The following ARHGAP15 variants were observed in gnomAD, a reference collection of about 807,000 sequenced individuals.
ARHGAP15 encodes the protein Rho GTPase activating protein 15, also known as rho GTPase-activating protein 15.
A neutral mutation model predicts 63.7 loss-of-function variants in ARHGAP15; 51 were observed. That is an observed-to-expected ratio of 0.80 (90% confidence interval 0.64 to 1.01). The LOEUF (loss-of-function observed/expected upper bound fraction) is 1.01. ARHGAP15 is among the 50% of genes least tolerant of loss of function. ARHGAP15 has a pLI of 0.00. For missense variants in ARHGAP15, 560 were observed against 564.6 expected, an observed-to-expected ratio of 0.99 and a Z score of 0.08; for synonymous variants, 191 against 193.8, an observed-to-expected ratio of 0.99 and a Z score of 0.12.
chr2:143,434,977 C>T (rs1267507735), intron 6 of ARHGAP15, among the ~76,000 whole-genome samples: 1 of 152,112 alleles, frequency 6.6e-6, no homozygotes, highest in African/African-American at 2.4e-5. Flanking sequence ...GATAAATACT[C>T]TCCCAGAGAG....
chr2:143,288,677 T>A (rs1334893473), intron 6 of ARHGAP15, among the ~76,000 whole-genome samples: 2 of 151,628 alleles, frequency 1.3e-5, no homozygotes, highest in Non-Finnish European at 2.9e-5. Flanking sequence ...CCCTATCCAC[T>A]CTATCTATTC....
At chr2:143,550,963 A>G (rs2105073242) in intron 10 of ARHGAP15, among the ~76,000 whole-genome samples, 1 of 152,324 alleles carries the variant, frequency 6.6e-6, no homozygotes, top group East Asian at 1.9e-4. Context: ...CTCAGAGATA[A>G]TTTGATATGC....
chr2:143,372,767 TTA>T (rs2104918488), intron 6 of ARHGAP15, among the ~76,000 whole-genome samples: 1 of 152,276 alleles, frequency 6.6e-6, no homozygotes, highest in South Asian at 2.1e-4. Flanking sequence ...GATTTCAGTG[TTA>T]TGTCAGTTAA....
chr2:143,188,401 A>G lies in ARHGAP15; in HGVS notation c.166-13733A>G, dbSNP rs571984527. ...TATAGCTATTTTTCCAAAAATATCA[A>G]CAAAATTGCCAAATATCTATCTTTT... On this transcript the variant is annotated intron_variant, in intron 2 of 13. Transcript: ENST00000295095. Among the ~76,000 whole-genome samples, 163 of 151,966 alleles carry G rather than the reference A, an allele frequency of 1.1e-3. 1 individual carries two copies. Among genetic ancestry groups the G allele is most frequent in the African/African-American group, 3.8e-3 (157 of 41,520 alleles).
In ARHGAP15 at chr2:143,460,677, A is replaced by T. The variant is rs535342248; in HGVS notation, c.703+23635A>T. ...AGTTGGATTTTATCCAAGAAGTGAT[A>T]TAATGTGCTAGGAAGACTTTACCTA... On this transcript the variant is annotated intron_variant, in intron 8 of 13. Coordinates refer to ENST00000295095, the MANE Select transcript of ARHGAP15 (RefSeq NM_018460.4). Among the ~76,000 whole-genome samples the T allele has an allele frequency of 2.0e-4, 30 of 152,276 alleles. No individual in the cohort carries two copies. The South Asian group carries it at 6.2e-3, about 32-fold the overall frequency.
chr2:143,319,316 G>T (rs148766229), intron 6 of ARHGAP15, among the ~76,000 whole-genome samples: 2 of 150,078 alleles, frequency 1.3e-5, no homozygotes, highest in Admixed American at 1.3e-4. Context: ...CCTCAGCCTC[G>T]CAGGTTCATG....
At chr2:143,237,870 A>G (rs1693715203) in intron 5 of ARHGAP15, 1 of 151,832 alleles carries the variant, frequency 6.6e-6, no homozygotes, top group Non-Finnish European at 1.5e-5. Flanking sequence ...CTTTTTTGTT[A>G]CTCTTATGTT....
chr2:143,759,902 C>T (rs1028683204), intron 13 of ARHGAP15, among the ~76,000 whole-genome samples: 1 of 152,134 alleles, frequency 6.6e-6, no homozygotes, highest in African/African-American at 2.4e-5. Context: ...GGAATGGATT[C>T]CAAGCCATCA....
chr2:143,615,909 T>C (rs991460527), intron 11 of ARHGAP15, among the ~76,000 whole-genome samples: 1 of 152,198 alleles, frequency 6.6e-6, no homozygotes, highest in Non-Finnish European at 1.5e-5. Context: ...GTACGGTATC[T>C]ATAGAGTACA....
intron 6 of ARHGAP15, among the ~76,000 whole-genome samples, chr2:143,328,390 C>A (rs565264301): frequency 6.6e-6 from 1 of 152,254 alleles, no homozygotes; most frequent in African/African-American, 2.4e-5. Flanking sequence ...CACATATACA[C>A]CATGGAATAC....
chr2:143,550,868 A>C (rs1053257119), intron 10 of ARHGAP15, among the ~76,000 whole-genome samples: 1 of 152,264 alleles, frequency 6.6e-6, no homozygotes, highest in Non-Finnish European at 1.5e-5. Context: ...AATTTTAAGA[A>C]TATAAACAAA....
intron 8 of ARHGAP15, among the ~76,000 whole-genome samples, chr2:143,460,536 T>G (rs1323102415): frequency 1.3e-5 from 2 of 152,208 alleles, no homozygotes; most frequent in African/African-American, 4.8e-5. Flanking sequence ...TAATGTTAAA[T>G]TAGAATCTTT....
At chr2:143,627,094 G>C (rs1698863607) in intron 12 of ARHGAP15, among the ~76,000 whole-genome samples, 1 of 152,120 alleles carries the variant, frequency 6.6e-6, no homozygotes, top group Admixed American at 6.6e-5. Context: ...TACATTAAAT[G>C]GGCTGTCAAC....
At chr2:143,607,024 T>G (rs534960167) in intron 11 of ARHGAP15, 2 of 152,356 alleles carry the variant, frequency 1.3e-5, no homozygotes, top group South Asian at 4.1e-4. Flanking sequence ...TAAGCCATGA[T>G]AGTGGAGGAT....
intron 1 of ARHGAP15, among the ~76,000 whole-genome samples, chr2:143,139,605 T>C (rs1689279648): frequency 6.6e-6 from 1 of 152,170 alleles, no homozygotes; most frequent in African/African-American, 2.4e-5. Flanking sequence ...TATGTTATTT[T>C]ACTTGGTAAT....
chr2:143,669,268 C>G (rs1682392596), intron 12 of ARHGAP15, among the ~76,000 whole-genome samples: 1 of 152,166 alleles, frequency 6.6e-6, no homozygotes, highest in African/African-American at 2.4e-5. Context: ...GTTCAAACTT[C>G]ACCTGTGTAA....
At chr2:143,677,136 G>T (rs1309922537) in intron 12 of ARHGAP15, among the ~76,000 whole-genome samples, 5 of 152,192 alleles carry the variant, frequency 3.3e-5, no homozygotes, top group Non-Finnish European at 7.3e-5. Context: ...AATCTTCATG[G>T]TTCCAGTAAT....
intron 11 of ARHGAP15, among the ~76,000 whole-genome samples, chr2:143,559,057 C>T (rs1172615020): frequency 6.6e-6 from 1 of 152,116 alleles, no homozygotes; most frequent in Non-Finnish European, 1.5e-5. Flanking sequence ...TAGCCCTAGC[C>T]TCATATTCAT....
At chr2:143,606,015 G>A (rs1377046058) in intron 11 of ARHGAP15, among the ~76,000 whole-genome samples, 6 of 107,108 alleles carry the variant, frequency 5.6e-5, no homozygotes, top group Non-Finnish European at 1.0e-4. Flanking sequence ...CAACCTGGGC[G>A]CCAGAGCAAG....
Sources: allele counts gnomAD v4.1 joint callset (sites outside exome capture counted in the v4.1 genomes callset), GRCh38; gene constraint gnomAD v4.1.1; transcripts MANE v1.5; gene names NCBI Gene and HGNC (gene_info 2026-07-23, HGNC 2026-07-21).